Variants in LENG8 observed in about 807,000 individuals in gnomAD.
LENG8 encodes leukocyte receptor cluster member 8, also known as leukocyte receptor cluster (LRC) member 8.
Under a neutral mutation model 102.1 loss-of-function variants are expected in LENG8, and 28 were observed. That is an observed-to-expected ratio of 0.27 (90% CI 0.20 to 0.38). LENG8 has a LOEUF of 0.38. Ranked by LOEUF, LENG8 falls within the 10% of genes least tolerant of loss-of-function variation. LENG8 has a pLI of 1.00. For synonymous variants in LENG8, 531 were observed against 456.7 expected, an observed-to-expected ratio of 1.16 and a Z score of -2.07; for missense variants, 1,022 against 1,113.9, an observed-to-expected ratio of 0.92 and a Z score of 1.17.
At chr19:54,457,659 T>C in intron 11 of LENG8, 88 bp from the exon 12 acceptor site, 1 of 944,334 alleles carries the variant, frequency 1.1e-6, no homozygotes, top group Non-Finnish European at 1.7e-6. Context: ...CTTTTTTTAA[T>C]GTTGCAACTC....
chr19:54,452,925 C>T (rs2084029557), intron 4 of LENG8, among the ~76,000 whole-genome samples, 173 bp downstream of exon 4: 1 of 152,172 alleles, frequency 6.6e-6, no homozygotes, highest in Admixed American at 6.5e-5. Context: ...AGGTCCCCGC[C>T]ATGAGCCACA....
intron 11 of LENG8, 22 bp downstream of exon 11, chr19:54,456,943 T>G (rs1398786723): frequency 6.3e-7 from 1 of 1,588,730 alleles, no homozygotes; most frequent in Non-Finnish European, 8.5e-7. Context: ...GCAGGGCAGT[T>G]CTGCTCTGTG....
intron 4 of LENG8, among the ~76,000 whole-genome samples, chr19:54,453,216 G>A (rs2084044148): frequency 6.6e-6 from 1 of 152,168 alleles, no homozygotes; most frequent in South Asian, 2.1e-4. Context: ...ATTGCTGGAT[G>A]TATTACATGT....
rs766932229 is a variant in LENG8 at position 54,458,461 on chromosome 19, A to G, written c.2180A>G (p.Tyr727Cys). 5.0e-6 allele frequency: 8 copies of G among 1,614,232 alleles called. No individual in the cohort carries two copies. The Admixed American group carries it at 1.0e-4, about 20-fold the overall frequency. ...TGCCATGCACCCTGCATGTCTGGCT[A>G]CCTCGTGGACAAGTTTGCAGATCGG... ...LYCHAPCMSG[Y>C]LVDKFADRER... The change falls in exon 15 of 16, where the codon TAC (tyrosine) becomes TGC (cysteine). Residue 727 changes from tyrosine to cysteine, a missense_variant. By Grantham distance (194) the Tyr-to-Cys change is radical (BLOSUM62 -2). This residue lies in a region of LENG8 where 129 missense variants were observed against 123.0 expected (regional missense o/e 1.05). Coordinates refer to ENST00000326764, the MANE Select transcript of LENG8 (RefSeq NM_052925.4).
chr19:54,458,528 GGT>G lies in LENG8; in HGVS notation c.2240+9_2240+10del. The stretch of plus-strand genomic sequence containing the variant: ...TCAAGGCCATGATCAAAACGTATGT[GGT>G]GCCAAGCTCCCTTCTGCCTTTGCTC... On this transcript the variant is annotated splice_region_variant and intron_variant, in intron 15 of 15. Coordinates refer to ENST00000326764, the MANE Select transcript of LENG8 (RefSeq NM_052925.4). The G allele has an allele frequency of 6.2e-7, 1 of 1,614,100 alleles. No individual in the cohort carries two copies. Among genetic ancestry groups the G allele is most frequent in the Non-Finnish European group, 8.5e-7 (1 of 1,179,968 alleles).
At chr19:54,458,602 G>A (rs202057009) in intron 15 of LENG8, 81 bp downstream of exon 15, 452 of 1,588,224 alleles carry the variant, frequency 2.8e-4, no homozygotes, top group Admixed American at 2.7e-4. Flanking sequence ...GCTCCTGGCC[G>A]CAGGCCTCCC....
rs772278434 is a variant in LENG8, at chr19:54,456,064, G to T, written c.1123G>T (p.Gly375Cys). Residue 375 changes from glycine (G) to cysteine (C), a missense_variant, in exon 9 of 16, where the codon GGC becomes TGC. Physicochemically the swap from Gly to Cys is radical, Grantham distance 159. Transcript: ENST00000326764. ...PPRGAGSATR[G>C]GGAPSQRGTP... ...TAGAGGGGCAGGCTCGGCGACAAGG[G>T]GCGGGGGTGCCCCGTCCCAGCGAGG... 4.3e-6 allele frequency: 7 copies of T among 1,610,730 alleles called. No homozygotes were observed. The highest frequency in any genetic ancestry group is 5.9e-6 in the Non-Finnish European group (7 of 1,178,004).
Position 54,461,476 on chromosome 19 carries a change from C to A in LENG8, c.*548C>A, listed in dbSNP as rs1421147620. ...TTAGAGACTGTGCCCGTCCTCGGCC[C>A]CCCACCCTGAAGTGCCAGCACCACC... On this transcript the variant is annotated 3_prime_UTR_variant, in exon 16 of 16. Coordinates refer to ENST00000326764, the MANE Select transcript of LENG8 (RefSeq NM_052925.4). 2 of 463,676 alleles carry A rather than the reference C, an allele frequency of 4.3e-6. No homozygotes were observed. Among genetic ancestry groups the A allele is most frequent in the Non-Finnish European group, 8.9e-6 (2 of 225,770 alleles). 28.7% of individuals were successfully genotyped at this position (463,676 alleles called of 1,614,324 possible). A position where few individuals can be genotyped will look rare whatever the true frequency, so the allele number is the denominator to read the frequency against.
intron 4 of LENG8, among the ~76,000 whole-genome samples, chr19:54,453,327 T>C (rs927713329): frequency 6.6e-6 from 1 of 152,204 alleles, no homozygotes; most frequent in African/African-American, 2.4e-5. Context: ...GCACTCAGTA[T>C]CGTTGATTAT....
chr19:54,455,200 A>C, intron 7 of LENG8, 108 bp downstream of exon 7: 1 of 1,534,018 alleles, frequency 6.5e-7, no homozygotes, highest in African/African-American at 1.4e-5. Flanking sequence ...TGCGCCTCTG[A>C]AAAGGGCAGA....
intron 2 of LENG8, 92 bp from the exon 3 acceptor site, chr19:54,452,001 A>G: frequency 8.3e-7 from 1 of 1,197,678 alleles, no homozygotes; most frequent in Non-Finnish European, 1.2e-6. Context: ...ACAGTTAGAT[A>G]TGGGATCCAG....
chr19:54,455,929 G>C, intron 8 of LENG8, 38 bp from the exon 9 acceptor site: 1 of 1,583,856 alleles, frequency 6.3e-7, no homozygotes. Flanking sequence ...GCCAGTGTCT[G>C]GCGGGGTTGG....
intron 1 of LENG8, chr19:54,449,569 C>T (rs192436652): frequency 0.022 from 3,395 of 152,228 alleles, 60 homozygotes; most frequent in East Asian, 0.035. Context: ...CGGGGCGCCC[C>T]TCACTCGCCG....
chr19:54,461,105 C>A lies in LENG8; in HGVS notation c.*177C>A. On this transcript the variant is annotated 3_prime_UTR_variant, in exon 16 of 16. Transcript: ENST00000326764. ...GGGAGTCTGTACAGAGATTTTTCTA[C>A]GTTTTTATTTTTTGCCTCAGAGGGA... is the stretch of plus-strand genomic sequence containing the variant. 2 of 1,003,592 alleles carry A rather than the reference C, an allele frequency of 2.0e-6. No individual in the cohort carries two copies. The highest frequency in any genetic ancestry group is 1.4e-5 in the South Asian group (1 of 70,708). 62.2% of individuals were successfully genotyped at this position (1,003,592 alleles called of 1,614,324 possible).
chr19:54,451,336 A>G lies in LENG8; in HGVS notation c.-9A>G, dbSNP rs1366098413. The G allele has an allele frequency of 6.2e-7, 1 of 1,614,058 alleles. No individual in the cohort carries two copies. The highest frequency in any genetic ancestry group is 2.2e-5 in the East Asian group (1 of 44,882). ...TCCCGAGGTCCACCCCTTATACCCC[A>G]AGGTCCAGATGGCGGCCAACGTGGG... is the stretch of plus-strand genomic sequence containing the variant. On this transcript the variant is annotated 5_prime_UTR_variant, in exon 2 of 16. Coordinates refer to ENST00000326764, the MANE Select transcript of LENG8 (RefSeq NM_052925.4).
intron 1 of LENG8, chr19:54,449,703 C>T (rs2083857536): frequency 6.6e-6 from 1 of 152,396 alleles, no homozygotes; most frequent in Non-Finnish European, 1.5e-5. Flanking sequence ...CTCCTCCACC[C>T]GGCGTCCTCC....
chr19:54,452,804 C>A, intron 4 of LENG8, 52 bp downstream of exon 4: 1 of 1,348,470 alleles, frequency 7.4e-7, no homozygotes, highest in South Asian at 1.2e-5. Flanking sequence ...TCTGCTGGGT[C>A]GGGGCGAGGT....
Position 54,458,471 on chromosome 19 carries a change from C to T in LENG8, c.2190C>T (p.Asp730=). Residue 730 remains aspartate, a synonymous_variant, in exon 15 of 16, where the codon GAC becomes GAT. Coordinates refer to ENST00000326764, the MANE Select transcript of LENG8 (RefSeq NM_052925.4). ...HAPCMSGYLV[D]KFADRERKVA... is the part of the protein sequence containing the mutation. ...CCTGCATGTCTGGCTACCTCGTGGA[C>T]AAGTTTGCAGATCGGGAGCGCAAGG... The T allele has an allele frequency of 6.2e-7, 1 of 1,614,280 alleles. No individual in the cohort carries two copies. The highest frequency in any genetic ancestry group is 8.5e-7 in the Non-Finnish European group (1 of 1,180,056).
In LENG8 at chr19:54,454,419, T is replaced by A; in HGVS notation, c.427-11T>A. On this transcript the variant is annotated splice_polypyrimidine_tract_variant and intron_variant, in intron 5 of 15. Transcript: ENST00000326764. The stretch of plus-strand genomic sequence containing the variant: ...CTGCCTCCCGTGCTCAGCGCCTGCT[T>A]CCTTCTGCAGCCCCCAGTCCCCGGC... 6.3e-7 allele frequency: 1 copy of A among 1,593,054 alleles called. No individual in the cohort carries two copies. The highest frequency in any genetic ancestry group is 8.6e-7 in the Non-Finnish European group (1 of 1,168,406).
Sources: gnomAD v4.1 joint callset for allele counts (sites outside exome capture counted in the v4.1 genomes callset) on GRCh38, gnomAD v4.1.1 for gene constraint, gnomAD v4.1.1 regional missense constraint, MANE v1.5 for transcripts, NCBI Gene and HGNC (gene_info 2026-07-23, HGNC 2026-07-21) for gene names.